ZNF236: variants seen among roughly 807,000 people sequenced by gnomAD.
The protein encoded by ZNF236 is zinc finger protein 236, also known as regulated by glucose.
Under a neutral mutation model 191.2 loss-of-function variants are expected in ZNF236, and 50 were observed. That is an observed-to-expected ratio of 0.26 (90% confidence interval 0.21 to 0.33). The LOEUF (loss-of-function observed/expected upper bound fraction) is 0.33. ZNF236 is among the 10% of genes least tolerant of loss of function. The pLI is 1.00. For missense variants in ZNF236, 1,754 were observed against 2,374.5 expected, an observed-to-expected ratio of 0.74 and a Z score of 5.43; for synonymous variants, 907 against 928.8, an observed-to-expected ratio of 0.98 and a Z score of 0.43.
At chr18:76,868,977 C>T in intron 4 of ZNF236, 114 bp downstream of exon 4, 1 of 1,013,628 alleles carries the variant, frequency 9.9e-7, no homozygotes, top group Non-Finnish European at 1.4e-6. Context: ...AAGTGGAACC[C>T]CACAGATAAT....
Position 76,851,985 on chromosome 18 carries a change from A to C in ZNF236, c.363+46A>C, listed in dbSNP as rs764066345. 2.0e-6 allele frequency: 3 copies of C among 1,536,974 alleles called. No homozygotes were observed. The South Asian group carries it at 3.8e-5, about 20-fold the overall frequency. On this transcript the variant is annotated intron_variant, in intron 3 of 30. Coordinates refer to ENST00000320610, the MANE Select transcript of ZNF236 (RefSeq NM_001306089.2). ...TATACTTTGTTAACTGATTGTTAAA[A>C]TACATCTGATCATGAGTCAGGAGGA...
intron 25 of ZNF236, among the ~76,000 whole-genome samples, chr18:76,932,615 G>A (rs2122862182): frequency 6.6e-6 from 1 of 152,288 alleles, no homozygotes; most frequent in East Asian, 1.9e-4. Context: ...TGAGATGTCT[G>A]GATTCATGCC....
intron 1 of ZNF236, among the ~76,000 whole-genome samples, chr18:76,848,238 CT>C (rs1248226087): frequency 1.3e-5 from 2 of 152,222 alleles, no homozygotes; most frequent in African/African-American, 4.8e-5. Flanking sequence ...ATCACACAAA[CT>C]CTTGAGAACA....
At chr18:76,840,494 C>CA (rs202010236) in intron 1 of ZNF236, among the ~76,000 whole-genome samples, 6,386 of 139,430 alleles carry the variant, frequency 0.046, 384 homozygotes, top group East Asian at 0.29. Flanking sequence ...AACTCTGTCT[C>CA]AAAAAAAAAA....
chr18:76,928,527 A>T (rs1967767234), intron 25 of ZNF236, among the ~76,000 whole-genome samples: 1 of 152,218 alleles, frequency 6.6e-6, no homozygotes, highest in Admixed American at 6.5e-5. Flanking sequence ...TATTAGGATT[A>T]TATAGGAAAA....
chr18:76,852,005 G>T, intron 3 of ZNF236, 66 bp downstream of exon 3: 1 of 1,472,666 alleles, frequency 6.8e-7, no homozygotes, highest in Non-Finnish European at 9.1e-7. Context: ...TCATGAGTCA[G>T]GAGGATTTTA....
Position 76,895,119 on chromosome 18 carries a change from C to G in ZNF236, c.1524C>G (p.His508Gln), listed in dbSNP as rs780565928. The G allele has an allele frequency of 6.2e-7, 1 of 1,611,636 alleles. No homozygotes were observed. Among genetic ancestry groups the G allele is most frequent in the Non-Finnish European group, 8.5e-7 (1 of 1,180,006 alleles). ...TCCGCCACATCCGCATCCACACCCA[C>G]GAGAAGCCCTTCAAGTGCCCGCAGT... is the stretch of plus-strand genomic sequence containing the variant. Reference protein sequence around the residue: ...DLVRHIRIHTHEKPFKCPQCF... With the variant: ...DLVRHIRIHTQEKPFKCPQCF... The change falls in exon 10 of 31, where the codon CAC becomes CAG. Residue 508 changes from histidine to glutamine, a missense_variant. His to Gln is a conservative substitution (Grantham distance 24). Coordinates refer to ENST00000320610, the MANE Select transcript of ZNF236 (RefSeq NM_001306089.2).
intron 27 of ZNF236, among the ~76,000 whole-genome samples, chr18:76,952,346 G>A (rs1968429299): frequency 6.6e-6 from 1 of 152,180 alleles, no homozygotes; most frequent in African/African-American, 2.4e-5. Context: ...AACATTAATT[G>A]GTTTTAATCA....
chr18:76,918,700 G>A (rs566772557), intron 19 of ZNF236, among the ~76,000 whole-genome samples: 9 of 152,056 alleles, frequency 5.9e-5, no homozygotes, highest in African/African-American at 1.2e-4. Context: ...GATTACAGGC[G>A]CGCGCCCCCA....
At chr18:76,892,235 CTT>C (rs1977269095) in intron 9 of ZNF236, among the ~76,000 whole-genome samples, 1 of 63,526 alleles carries the variant, frequency 1.6e-5, no homozygotes, top group African/African-American at 6.1e-5. Flanking sequence ...ACTTGGGTAT[CTT>C]TCTGAGTTCT....
At chr18:76,867,518 GA>G (rs1340350102) in intron 3 of ZNF236, among the ~76,000 whole-genome samples, 1 of 151,978 alleles carries the variant, frequency 6.6e-6, no homozygotes, top group East Asian at 1.9e-4. Flanking sequence ...ATGCAGATCA[GA>G]AAAAAGTCTG....
At chr18:76,826,148 A>G (rs1456900799) in intron 1 of ZNF236, among the ~76,000 whole-genome samples, 3 of 151,394 alleles carry the variant, frequency 2.0e-5, no homozygotes, top group Non-Finnish European at 4.4e-5. Context: ...TGGAGTCTCT[A>G]TTGCCCAGGC....
Position 76,849,437 on chromosome 18 carries a change from G to T in ZNF236, c.56-89G>T, listed in dbSNP as rs779435100. On this transcript the variant is annotated intron_variant, in intron 1 of 30. Coordinates refer to ENST00000320610, the MANE Select transcript of ZNF236 (RefSeq NM_001306089.2). ...TCACATAAATCTCTGACATAATTTG[G>T]TTTTTAAACAATAACCAATAATTTG... 6.9e-6 allele frequency: 8 copies of T among 1,152,624 alleles called. No individual in the cohort carries two copies. In the South Asian group the frequency reaches 1.0e-4, roughly 15 times the overall value. 71.4% of individuals were successfully genotyped at this position (1,152,624 alleles called of 1,614,324 possible).
At chr18:76,891,973 A>G (rs1043308307) in intron 9 of ZNF236, among the ~76,000 whole-genome samples, 8 of 152,076 alleles carry the variant, frequency 5.3e-5, no homozygotes, top group Non-Finnish European at 1.2e-4. Context: ...TTTCAGATGC[A>G]CTTTAGAATC....
chr18:76,825,287 T>G (rs969228978), intron 1 of ZNF236, among the ~76,000 whole-genome samples: 2 of 152,244 alleles, frequency 1.3e-5, no homozygotes, highest in African/African-American at 4.8e-5. Context: ...GTTCTCAAAC[T>G]GTGGTTCCTG....
chr18:76,851,562 G>A (rs1314555776), intron 2 of ZNF236, among the ~76,000 whole-genome samples: 2 of 152,232 alleles, frequency 1.3e-5, no homozygotes, highest in Non-Finnish European at 2.9e-5. Flanking sequence ...TTTTGTGTAT[G>A]TATGTGTTTT....
intron 3 of ZNF236, among the ~76,000 whole-genome samples, chr18:76,858,474 A>G (rs1976114683): frequency 6.6e-6 from 1 of 152,222 alleles, no homozygotes; most frequent in East Asian, 1.9e-4. Flanking sequence ...TCTTCATTTC[A>G]CAAAACAGTG....
At chr18:76,928,300 A>G (rs1406267734) in intron 25 of ZNF236, among the ~76,000 whole-genome samples, 194 bp downstream of exon 25, 1 of 152,234 alleles carries the variant, frequency 6.6e-6, no homozygotes, top group East Asian at 1.9e-4. Flanking sequence ...ATGAAAAATT[A>G]TAGTTTCTCA....
At chr18:76,918,145 C>T (rs1967424017) in intron 19 of ZNF236, among the ~76,000 whole-genome samples, 2 of 152,294 alleles carry the variant, frequency 1.3e-5, no homozygotes, top group African/African-American at 2.4e-5. Flanking sequence ...AATGACCTCC[C>T]TGCTCCCAGC....
Sources: gnomAD v4.1 joint callset for allele counts (sites outside exome capture counted in the v4.1 genomes callset) on GRCh38, gnomAD v4.1.1 for gene constraint, MANE v1.5 for transcripts, NCBI Gene and HGNC (gene_info 2026-07-23, HGNC 2026-07-21) for gene names.